The following GPHN variants were observed in gnomAD, a reference collection of about 807,000 sequenced individuals.
GPHN encodes the protein gephyrin.
In GPHN, 17 loss-of-function variants were observed where a neutral mutation model predicts 95.5. The ratio of observed to expected loss-of-function variants is 0.18; its 90% CI spans 0.12 to 0.27. The LOEUF (loss-of-function observed/expected upper bound fraction) is 0.27, where lower values mean the gene tolerates loss of function less well. Ranked by LOEUF, GPHN falls within the 10% of genes least tolerant of loss-of-function variation. GPHN has a pLI of 1.00. For missense variants in GPHN, 660 were observed against 978.1 expected (o/e 0.67, Z 4.34); for synonymous variants, 320 against 322.5 (o/e 0.99, Z 0.08).
chr14:67,377,331 T>G, the GPHN span, among the ~76,000 whole-genome samples: 1 of 152,146 alleles, frequency 6.6e-6, no homozygotes, highest in Non-Finnish European at 1.5e-5. Context: ...CACTGCATAT[T>G]CATGGTCTCC....
At chr14:67,223,999 T>C in the GPHN span, 61 of 983,540 alleles carry the variant, frequency 6.2e-5, no homozygotes, top group Non-Finnish European at 7.0e-5. Context: ...CTGCTCCCCA[T>C]AGTAGTAAAA....
At chr14:66,796,340 C>T (rs992179507) in intron 3 of GPHN, among the ~76,000 whole-genome samples, 1 of 151,550 alleles carries the variant, frequency 6.6e-6, no homozygotes, top group African/African-American at 2.4e-5. Flanking sequence ...TCAGTATATA[C>T]CCACCAGTAT....
At chr14:67,574,144 G>A in the GPHN span, 1 of 1,113,994 alleles carries the variant, frequency 9.0e-7, no homozygotes, top group Non-Finnish European at 1.3e-6. The surrounding 1 kb of genome is among the most constrained non-coding windows in gnomAD (Gnocchi z 4.2). Context: ...CAGAAGGCCA[G>A]CCCCTTGGGT....
chr14:67,023,073 TATG>T (rs1011564447), intron 9 of GPHN, among the ~76,000 whole-genome samples: 29 of 152,210 alleles, frequency 1.9e-4, no homozygotes, highest in Non-Finnish European at 3.1e-4. Context: ...TATGATAAAT[TATG>T]ATAATCAGTA....
intron 2 of GPHN, among the ~76,000 whole-genome samples, chr14:66,765,181 G>T (rs2058916914): frequency 6.6e-6 from 1 of 152,146 alleles, no homozygotes; most frequent in Non-Finnish European, 1.5e-5. Context: ...TACTGACAAG[G>T]TTGCACAGAA....
the GPHN span, chr14:67,204,393 C>T: frequency 1.3e-5 from 15 of 1,159,658 alleles, no homozygotes; most frequent in South Asian, 2.0e-4. Context: ...GAGCCATGAT[C>T]GCATCACCAC....
intron 1 of GPHN, among the ~76,000 whole-genome samples, chr14:66,560,521 T>C (rs1005605982): frequency 7.2e-5 from 11 of 152,248 alleles, no homozygotes; most frequent in African/African-American, 2.7e-4. Context: ...GGGAGTTCAC[T>C]CATGATTTGG....
At chr14:67,541,800 T>G in the GPHN span, 2 of 1,422,390 alleles carry the variant, frequency 1.4e-6, no homozygotes, top group Non-Finnish European at 1.9e-6. Context: ...ACACGCTTAT[T>G]TATCTTTTCC....
intron 8 of GPHN, among the ~76,000 whole-genome samples, chr14:66,955,086 G>A (rs1236078690): frequency 1.3e-5 from 2 of 152,088 alleles, no homozygotes; most frequent in African/African-American, 4.8e-5. Flanking sequence ...TTCTTATGAT[G>A]TCATTGTCTT....
At chr14:67,627,597 T>A in the GPHN span, among the ~76,000 whole-genome samples, 4 of 152,290 alleles carry the variant, frequency 2.6e-5, no homozygotes, top group Admixed American at 2.6e-4. Context: ...ACTGTAAGGC[T>A]GTATGATCCA....
chr14:66,996,191 G>A (rs377414909), intron 9 of GPHN: 23 of 1,533,138 alleles, frequency 1.5e-5, no homozygotes, highest in African/African-American at 8.2e-5. Context: ...GGCTTCCCTC[G>A]TGCTCATCTA....
At chr14:66,652,514 GT>G (rs1269213056) in intron 1 of GPHN, among the ~76,000 whole-genome samples, 26 of 134,178 alleles carry the variant, frequency 1.9e-4, no homozygotes, top group African/African-American at 8.9e-4. Context: ...TGCTTCTTTT[GT>G]TTTTTGTGGG....
intron 1 of GPHN, among the ~76,000 whole-genome samples, chr14:66,676,160 C>T (rs1297827164): frequency 6.6e-6 from 1 of 152,114 alleles, no homozygotes; most frequent in Non-Finnish European, 1.5e-5. Context: ...CCCAACCTCC[C>T]CTCTTTTGGA....
the GPHN span, among the ~76,000 whole-genome samples, chr14:67,413,150 A>G: frequency 6.6e-6 from 1 of 152,254 alleles, no homozygotes; most frequent in Admixed American, 6.5e-5. Flanking sequence ...TTTTAAATAG[A>G]TAGGATCAAC....
chr14:66,978,107 A>G (rs2070384756), intron 9 of GPHN, among the ~76,000 whole-genome samples: 1 of 152,262 alleles, frequency 6.6e-6, no homozygotes, highest in Non-Finnish European at 1.5e-5. Context: ...TTAATTAAAA[A>G]ATACGTTAGT....
At chr14:66,530,850 C>G (rs2058897040) in intron 1 of GPHN, among the ~76,000 whole-genome samples, 1 of 152,132 alleles carries the variant, frequency 6.6e-6, no homozygotes, top group South Asian at 2.1e-4. Flanking sequence ...ACACAAATCA[C>G]CTGCCTTCTG....
At position 66,612,816 on chromosome 14, in the gene GPHN, G is replaced by GT. The variant is rs1274939413; in HGVS notation, c.65-68290dup. Among the ~76,000 whole-genome samples the GT allele has an allele frequency of 5.3e-5, 8 of 152,108 alleles. No individual in the cohort carries two copies. The East Asian group carries it at 1.5e-3, about 29-fold the overall frequency. ...CCATGTAAATGGAATTACACTCTGT[G>GT]TAAGTCTTCTTTTGCTCAACATGTT... On this transcript the variant is annotated intron_variant, in intron 1 of 22. Transcript: ENST00000478722.
chr14:67,474,285 G>A, the GPHN span, among the ~76,000 whole-genome samples: 10 of 150,992 alleles, frequency 6.6e-5, no homozygotes, highest in African/African-American at 2.4e-4. Flanking sequence ...ACAGAGCAAA[G>A]AACAGAATAA....
intron 11 of GPHN, among the ~76,000 whole-genome samples, chr14:67,074,506 A>G (rs1842409720): frequency 6.6e-6 from 1 of 152,078 alleles, no homozygotes; most frequent in African/African-American, 2.4e-5. Context: ...GGGCCTCCCT[A>G]TTCTCTGAGA....
Sources: allele counts gnomAD v4.1 joint callset (sites outside exome capture counted in the v4.1 genomes callset), GRCh38; gene constraint gnomAD v4.1.1; non-coding constraint Gnocchi (gnomAD v3.1); transcripts MANE v1.5; gene names NCBI Gene and HGNC (gene_info 2026-07-23, HGNC 2026-07-21).